SMAD2: variants seen among roughly 807,000 people sequenced by gnomAD.
SMAD2 encodes MAD homolog 2.
A neutral mutation model predicts 64.4 loss-of-function variants in SMAD2; 8 were observed. That is an observed-to-expected ratio of 0.12 (90% CI 0.07 to 0.22). The LOEUF is 0.22. Among genes scored for constraint, SMAD2 ranks in the 10% least tolerant of loss-of-function variants. The pLI, the probability that SMAD2 is intolerant of heterozygous loss-of-function variation, is 1.00. For missense variants in SMAD2, 289 were observed against 561.2 expected, an observed-to-expected ratio of 0.51 and a Z score of 4.90; for synonymous variants, 203 against 195.8, an observed-to-expected ratio of 1.04 and a Z score of -0.31.
chr18:47,881,041 T>A (rs143818373), intron 2 of SMAD2, among the ~76,000 whole-genome samples: 1,801 of 152,242 alleles, frequency 0.012, 11 homozygotes, highest in African/African-American at 0.018. Flanking sequence ...TGTGTTGGAA[T>A]TTTACCTACC....
At chr18:47,858,875 T>C (rs950259858) in intron 6 of SMAD2, among the ~76,000 whole-genome samples, 17 of 151,944 alleles carry the variant, frequency 1.1e-4, no homozygotes, top group African/African-American at 3.6e-4. Flanking sequence ...AGAGAACAAA[T>C]AGACAAACAA....
Position 47,819,903 on chromosome 18 carries a change from G to C in SMAD2, c.*21924C>G, listed in dbSNP as rs1448492225. The stretch of plus-strand genomic sequence containing the variant: ...CTATAGTTCCAGCTACTCAGGAAAC[G>C]GAGGCAGGAGGATTGTGTGAGTTGG... On this transcript the variant is annotated 3_prime_UTR_variant, in exon 11 of 11. Coordinates refer to ENST00000262160, the MANE Select transcript of SMAD2 (RefSeq NM_005901.6). The C allele has an allele frequency of 6.6e-6, 1 of 152,036 alleles. No individual in the cohort carries two copies. Among genetic ancestry groups the C allele is most frequent in the East Asian group, 1.9e-4 (1 of 5,160 alleles). 9.4% of individuals were successfully genotyped at this position (152,036 alleles called of 1,614,324 possible).
Position 47,831,674 on chromosome 18 carries a change from C to G in SMAD2, c.*10153G>C, listed in dbSNP as rs890053108. The stretch of plus-strand genomic sequence containing the variant: ...TGCTTAGTCTATTGTTCATTTATCA[C>G]TGAATCTGTTATCTGCTAAGTCTGA... On this transcript the variant is annotated 3_prime_UTR_variant, in exon 11 of 11. Transcript: ENST00000262160. 5 of 152,154 alleles carry G rather than the reference C, an allele frequency of 3.3e-5. No homozygotes were observed. The East Asian group carries it at 9.6e-4, about 29-fold the overall frequency. 9.4% of individuals were successfully genotyped at this position (152,154 alleles called of 1,614,324 possible).
At chr18:47,901,655 T>C (rs1253877388) in intron 1 of SMAD2, among the ~76,000 whole-genome samples, 2 of 152,202 alleles carry the variant, frequency 1.3e-5, no homozygotes, top group East Asian at 3.8e-4. Context: ...CATATACTTT[T>C]ACTACTTCCT....
In SMAD2 at chr18:47,828,935, T is replaced by TAAAAAAAAAA. The variant is rs747216495; in HGVS notation, c.*12882_*12891dup. The TAAAAAAAAAA allele has an allele frequency of 1.8e-4, 6 of 32,486 alleles. No individual in the cohort carries two copies. The highest frequency in any genetic ancestry group is 2.6e-4 in the Non-Finnish European group (5 of 19,152). 2.0% of individuals were successfully genotyped at this position (32,486 alleles called of 1,614,324 possible). Reference sequence around the variant, plus strand: ...ACACCCAAGAATGATCAATAAATACTAAAAAAAAAAAAAAAAAAAAAAAAA... The same window carrying TAAAAAAAAAA: ...ACACCCAAGAATGATCAATAAATACTAAAAAAAAAAAAAAAAAAAAAAAAAAAAAAAAAAA... On this transcript the variant is annotated 3_prime_UTR_variant, in exon 11 of 11. Transcript: ENST00000262160.
rs1598724815 is a variant in SMAD2, at chr18:47,826,570, G to A, written c.*15257C>T. Reference sequence around the variant, plus strand: ...TGTGGAAAAATGCCAAGTCCTTCCAGGTGAGGCCAACTCCCTCATGAACGA... The same window carrying A: ...TGTGGAAAAATGCCAAGTCCTTCCAAGTGAGGCCAACTCCCTCATGAACGA... On this transcript the variant is annotated 3_prime_UTR_variant, in exon 11 of 11. Transcript: ENST00000262160. The A allele has an allele frequency of 6.6e-6, 1 of 152,340 alleles. No individual in the cohort carries two copies. Among genetic ancestry groups the A allele is most frequent in the South Asian group, 2.1e-4 (1 of 4,820 alleles). 9.4% of individuals were successfully genotyped at this position (152,340 alleles called of 1,614,324 possible). A position where few individuals can be genotyped will look rare whatever the true frequency, so the allele number is the denominator to read the frequency against.
rs182373033 is a variant in SMAD2, at chr18:47,809,987, G to C, written c.*31840C>G. The C allele has an allele frequency of 4.6e-5, 7 of 152,138 alleles. No individual in the cohort carries two copies. The highest frequency in any genetic ancestry group is 2.6e-4 in the Admixed American group (4 of 15,280). 9.4% of individuals were successfully genotyped at this position (152,138 alleles called of 1,614,324 possible). On this transcript the variant is annotated 3_prime_UTR_variant, in exon 11 of 11. Coordinates refer to ENST00000262160, the MANE Select transcript of SMAD2 (RefSeq NM_005901.6). ...CATTTGCCAAAAGCCATCCCAAAGAGGGCTGATATCGTCTGTTAAATGCTG... is the reference window on the plus strand; with the variant it reads ...CATTTGCCAAAAGCCATCCCAAAGACGGCTGATATCGTCTGTTAAATGCTG...
In SMAD2 at chr18:47,817,253, T is replaced by C. The variant is rs1022629418; in HGVS notation, c.*24574A>G. Reference sequence around the variant, plus strand: ...CCTTTGGGCTCTCCGCTTACATAGCTTGTCTGTTCTGCCCCAGTGAGTCTT... The same window carrying C: ...CCTTTGGGCTCTCCGCTTACATAGCCTGTCTGTTCTGCCCCAGTGAGTCTT... On this transcript the variant is annotated 3_prime_UTR_variant, in exon 11 of 11. Coordinates refer to ENST00000262160, the MANE Select transcript of SMAD2 (RefSeq NM_005901.6). The C allele has an allele frequency of 2.8e-4, 43 of 152,338 alleles. No homozygotes were observed. The highest frequency in any genetic ancestry group is 9.9e-4 in the African/African-American group (41 of 41,582). 9.4% of individuals were successfully genotyped at this position (152,338 alleles called of 1,614,324 possible).
At chr18:47,886,301 A>C (rs2032896048) in intron 2 of SMAD2, among the ~76,000 whole-genome samples, 1 of 152,254 alleles carries the variant, frequency 6.6e-6, no homozygotes, top group Admixed American at 6.5e-5. Context: ...GCTTTTATGC[A>C]TAGAGGTTAT....
intron 2 of SMAD2, chr18:47,882,374 G>C (rs981303060): frequency 1.3e-5 from 2 of 150,780 alleles, no homozygotes; most frequent in African/African-American, 4.9e-5. Flanking sequence ...AATTTTATCT[G>C]TCTATAGAAA....
Position 47,910,281 on chromosome 18 carries a change from TA to T in SMAD2, c.-53-13473del, listed in dbSNP as rs201137914. On this transcript the variant is annotated intron_variant, in intron 1 of 10. Transcript: ENST00000262160. ...TCAGAGGAATTAACAGAAGACGACG[TA>T]ACAGAGATCAGTGCTTCTAAACTAG... Among the ~76,000 whole-genome samples the T allele has an allele frequency of 1.6e-3, 249 of 152,034 alleles. 1 individual carries two copies. The highest frequency in any genetic ancestry group is 5.4e-3 in the African/African-American group (225 of 41,452).
intron 1 of SMAD2, among the ~76,000 whole-genome samples, chr18:47,906,535 T>C (rs904132623): frequency 2.0e-5 from 3 of 152,164 alleles, no homozygotes; most frequent in Non-Finnish European, 4.4e-5. Context: ...TCACACCATC[T>C]AGAATGGTTT....
chr18:47,811,785 A>G lies in SMAD2; in HGVS notation c.*30042T>C, dbSNP rs1912214823. Reference sequence around the variant, plus strand: ...TTAAAAATTAATGAGCTCTCAGGAAAAGATGGCATCACAAGAGAATCAACC... The same window carrying G: ...TTAAAAATTAATGAGCTCTCAGGAAGAGATGGCATCACAAGAGAATCAACC... On this transcript the variant is annotated 3_prime_UTR_variant, in exon 11 of 11. Coordinates refer to ENST00000262160, the MANE Select transcript of SMAD2 (RefSeq NM_005901.6). 6.6e-6 allele frequency: 1 copy of G among 152,236 alleles called. No individual in the cohort carries two copies. The highest frequency in any genetic ancestry group is 1.5e-5 in the Non-Finnish European group (1 of 68,056). 9.4% of individuals were successfully genotyped at this position (152,236 alleles called of 1,614,324 possible).
rs1913823507 is a variant in SMAD2 at position 47,840,340 on chromosome 18, A to C, written c.*1487T>G. 4.3e-6 allele frequency: 1 copy of C among 232,826 alleles called. No homozygotes were observed. Among genetic ancestry groups the C allele is most frequent in the Non-Finnish European group, 8.5e-6 (1 of 117,884 alleles). 14.4% of individuals were successfully genotyped at this position (232,826 alleles called of 1,614,324 possible). A position where few individuals can be genotyped will look rare whatever the true frequency, so the allele number is the denominator to read the frequency against. ...AGATGCAAACAAGAAGAAATGTTTA[A>C]ACTGCAATGAGTCAACATCAGACAT... On this transcript the variant is annotated 3_prime_UTR_variant, in exon 11 of 11. Coordinates refer to ENST00000262160, the MANE Select transcript of SMAD2 (RefSeq NM_005901.6).
At chr18:47,907,255 C>T (rs1026757034) in intron 1 of SMAD2, among the ~76,000 whole-genome samples, 3 of 152,050 alleles carry the variant, frequency 2.0e-5, no homozygotes, top group East Asian at 1.9e-4. Context: ...TGTTAATAAT[C>T]GCCAAAAACT....
In SMAD2 at chr18:47,829,494, T is replaced by C. The variant is rs1179972086; in HGVS notation, c.*12333A>G. ...CCCACCTTCAATCAAATGCGATCTT[T>C]TAAAGAATATAAACAAGCCAGATTC... On this transcript the variant is annotated 3_prime_UTR_variant, in exon 11 of 11. Coordinates refer to ENST00000262160, the MANE Select transcript of SMAD2 (RefSeq NM_005901.6). The C allele has an allele frequency of 6.6e-6, 1 of 152,084 alleles. No homozygotes were observed. The highest frequency in any genetic ancestry group is 6.5e-5 in the Admixed American group (1 of 15,286). 9.4% of individuals were successfully genotyped at this position (152,084 alleles called of 1,614,324 possible). A position where few individuals can be genotyped will look rare whatever the true frequency, so the allele number is the denominator to read the frequency against.
At chr18:47,856,431 T>TA (rs1221317915) in intron 6 of SMAD2, among the ~76,000 whole-genome samples, 5 of 152,212 alleles carry the variant, frequency 3.3e-5, no homozygotes, top group Non-Finnish European at 5.9e-5. Context: ...AATATCATGT[T>TA]ATATACCTTA....
rs1179507722 is a variant in SMAD2, at chr18:47,821,881, T to C, written c.*19946A>G. 4 of 152,242 alleles carry C rather than the reference T, an allele frequency of 2.6e-5. No homozygotes were observed. The highest frequency in any genetic ancestry group is 9.6e-5 in the African/African-American group (4 of 41,466). 9.4% of individuals were successfully genotyped at this position (152,242 alleles called of 1,614,324 possible). A position where few individuals can be genotyped will look rare whatever the true frequency, so the allele number is the denominator to read the frequency against. ...TTGTTAAATATTTTATAGTGACCTG[T>C]GATCCTGTTTCGAACTTTTGACATC... is the stretch of plus-strand genomic sequence containing the variant. On this transcript the variant is annotated 3_prime_UTR_variant, in exon 11 of 11. Coordinates refer to ENST00000262160, the MANE Select transcript of SMAD2 (RefSeq NM_005901.6).
chr18:47,840,190 G>A lies in SMAD2; in HGVS notation c.*1637C>T, dbSNP rs1270768304. On this transcript the variant is annotated 3_prime_UTR_variant, in exon 11 of 11. Coordinates refer to ENST00000262160, the MANE Select transcript of SMAD2 (RefSeq NM_005901.6). ...AATAGAAAACCACCAAATGTTGAAA[G>A]TATTGAAAATGATACCTATAGAGAC... The A allele has an allele frequency of 1.3e-5, 3 of 232,924 alleles. No homozygotes were observed. Among genetic ancestry groups the A allele is most frequent in the East Asian group, 6.0e-5 (1 of 16,618 alleles). 14.4% of individuals were successfully genotyped at this position (232,924 alleles called of 1,614,324 possible). A position where few individuals can be genotyped will look rare whatever the true frequency, so the allele number is the denominator to read the frequency against.
Sources: gnomAD v4.1 joint callset for allele counts (sites outside exome capture counted in the v4.1 genomes callset) on GRCh38, gnomAD v4.1.1 for gene constraint, MANE v1.5 for transcripts, NCBI Gene and HGNC (gene_info 2026-07-23, HGNC 2026-07-21) for gene names.